MTRF1: variants seen among roughly 807,000 people sequenced by gnomAD.
MTRF1 encodes mitochondrial translation release factor 1.
In MTRF1, 51 loss-of-function variants were observed where a neutral mutation model predicts 62.9. The observed-to-expected ratio is 0.81, with a 90% CI of 0.65 to 1.02. The LOEUF (loss-of-function observed/expected upper bound fraction) is 1.02. Among genes scored for constraint, MTRF1 ranks in the 50% least tolerant of loss-of-function variants. The pLI is 0.00. For missense variants in MTRF1, 446 were observed against 530.0 expected (o/e 0.84, Z 1.56); for synonymous variants, 158 against 181.9 (o/e 0.87, Z 1.06).
At chr13:41,223,175 A>G (rs552148416) in intron 9 of MTRF1, 81 bp downstream of exon 9, 1 of 840,474 alleles carries the variant, frequency 1.2e-6, no homozygotes, top group South Asian at 2.5e-5. Context: ...TATACTTGGT[A>G]ATATCTACAT....
the MTRF1 span, among the ~76,000 whole-genome samples, chr13:41,302,533 T>A: frequency 0.014 from 2,124 of 150,954 alleles, 34 homozygotes; most frequent in Non-Finnish European, 0.017. Context: ...GATTTTTTTT[T>A]AAATTTTTTT....
In MTRF1 at chr13:41,226,482, G is replaced by A; in HGVS notation, c.1075C>T (p.Gln359Ter). The A allele has an allele frequency of 1.2e-6, 2 of 1,613,648 alleles. No homozygotes were observed. The highest frequency in any genetic ancestry group is 8.5e-7 in the Non-Finnish European group (1 of 1,179,878). Residue 359 changes from glutamine to a stop codon, truncating the protein, a stop_gained, in exon 8 of 10, where the codon CAG (glutamine) becomes TAG (stop). Transcript: ENST00000379480. LOFTEE classifies it high-confidence loss of function. ...TGACGCTTGTCTTTCTCAATAATCT[G>A]CTGGTAGAGTCTAGCTCTCAACACA... The part of the protein sequence containing the change: ...FRVLRARLYQ[Q>*]IIEKDKRQQQ...
the MTRF1 span, among the ~76,000 whole-genome samples, chr13:41,289,301 A>G: frequency 6.8e-6 from 1 of 147,218 alleles, no homozygotes; most frequent in Non-Finnish European, 1.5e-5. Context: ...GTGGTGGTGC[A>G]ATCTCAGCTC....
intron 1 of MTRF1, 171 bp downstream of exon 1, chr13:41,263,313 AC>A: frequency 2.3e-6 from 3 of 1,289,256 alleles, no homozygotes; most frequent in South Asian, 2.5e-5. Context: ...CATCACAGTA[AC>A]AGTATTACTC....
chr13:41,263,439 G>A (rs759098059), intron 1 of MTRF1, 46 bp downstream of exon 1: 4 of 419,664 alleles, frequency 9.5e-6, no homozygotes, highest in Non-Finnish European at 1.3e-5. Context: ...CCATAAAGAG[G>A]CAATACAGGA....
the MTRF1 span, among the ~76,000 whole-genome samples, chr13:41,289,784 C>G: frequency 3.9e-5 from 6 of 152,322 alleles, no homozygotes; most frequent in East Asian, 1.2e-3. Flanking sequence ...CATTGGTCAA[C>G]AAATAGGGCC....
intron 5 of MTRF1, among the ~76,000 whole-genome samples, chr13:41,243,335 G>T (rs1179185162): frequency 6.9e-6 from 1 of 145,144 alleles, no homozygotes; most frequent in African/African-American, 2.5e-5. Flanking sequence ...CTTGAGCCCA[G>T]TTGAGGCTGC....
At chr13:41,285,212 C>T in the MTRF1 span, among the ~76,000 whole-genome samples, 8 of 152,166 alleles carry the variant, frequency 5.3e-5, no homozygotes, top group South Asian at 4.1e-4. Flanking sequence ...TGAAAAAGGA[C>T]AACTCTGGTA....
At chr13:41,252,206 G>C (rs1169616034) in intron 5 of MTRF1, 1 of 152,384 alleles carries the variant, frequency 6.6e-6, no homozygotes. Flanking sequence ...AGCCAAAAGA[G>C]AAGTTTCTTG....
chr13:41,309,233 A>G, the MTRF1 span, among the ~76,000 whole-genome samples: 1 of 151,298 alleles, frequency 6.6e-6, no homozygotes, highest in African/African-American at 2.4e-5. Context: ...GCTGGAGTGC[A>G]GTGGCATGAT....
chr13:41,262,312 G>C (rs560929025), intron 1 of MTRF1: 1 of 141,110 alleles, frequency 7.1e-6, no homozygotes, highest in South Asian at 2.2e-4. Context: ...TGCAACCAGC[G>C]TGGGCGACAA....
chr13:41,279,105 C>T, the MTRF1 span, among the ~76,000 whole-genome samples: 1 of 152,196 alleles, frequency 6.6e-6, no homozygotes, highest in Non-Finnish European at 1.5e-5. Flanking sequence ...TCTCCTGCCT[C>T]AGCCTCCTGA....
At chr13:41,222,711 G>C (rs1465807638) in intron 9 of MTRF1, among the ~76,000 whole-genome samples, 1 of 152,186 alleles carries the variant, frequency 6.6e-6, no homozygotes, top group Non-Finnish European at 1.5e-5. Context: ...TGTCAGCAAG[G>C]GAATGGGGGC....
intron 2 of MTRF1, 58 bp downstream of exon 2, chr13:41,260,435 G>A (rs2040312903): frequency 7.3e-7 from 1 of 1,363,654 alleles, no homozygotes; most frequent in Non-Finnish European, 9.9e-7. Context: ...ACGCATATAA[G>A]TGTGTGGTTT....
At chr13:41,293,498 A>G in the MTRF1 span, among the ~76,000 whole-genome samples, 1 of 152,338 alleles carries the variant, frequency 6.6e-6, no homozygotes, top group African/African-American at 2.4e-5. Context: ...ATAAAAGTAT[A>G]AACTCAGCCT....
the MTRF1 span, among the ~76,000 whole-genome samples, chr13:41,282,994 C>A: frequency 2.0e-5 from 3 of 152,204 alleles, no homozygotes; most frequent in African/African-American, 7.2e-5. Context: ...AAATAGCACA[C>A]AATTCTGCCC....
the MTRF1 span, among the ~76,000 whole-genome samples, chr13:41,271,081 A>G: frequency 6.7e-6 from 1 of 149,582 alleles, no homozygotes; most frequent in Non-Finnish European, 1.5e-5. Context: ...ACACACACAC[A>G]CACACACACA....
At chr13:41,268,585 T>G in the MTRF1 span, among the ~76,000 whole-genome samples, 195 of 152,204 alleles carry the variant, frequency 1.3e-3, 2 homozygotes, top group Non-Finnish European at 1.0e-3. Flanking sequence ...ACATTTCCTT[T>G]AGACCTTTAA....
the MTRF1 span, among the ~76,000 whole-genome samples, chr13:41,277,347 G>A: frequency 6.6e-6 from 1 of 151,898 alleles, no homozygotes; most frequent in Non-Finnish European, 1.5e-5. Context: ...GCCCAGACTG[G>A]TCTCGAACTC....
Sources: gnomAD v4.1 joint callset for allele counts (sites outside exome capture counted in the v4.1 genomes callset) on GRCh38, gnomAD v4.1.1 for gene constraint, MANE v1.5 for transcripts, NCBI Gene and HGNC (gene_info 2026-07-23, HGNC 2026-07-21) for gene names.